The following ANTXR1 variants were observed in gnomAD, a reference collection of about 807,000 sequenced individuals.
ANTXR1 encodes anthrax toxin receptor 1.
A neutral mutation model predicts 78.1 loss-of-function variants in ANTXR1; 19 were observed. The ratio of observed to expected loss-of-function variants is 0.24; its 90% CI spans 0.17 to 0.36. The LOEUF is 0.36. Among genes scored for constraint, ANTXR1 ranks in the 10% least tolerant of loss-of-function variants. The pLI, the probability that ANTXR1 is intolerant of heterozygous loss-of-function variation, is 1.00. For synonymous variants in ANTXR1, 273 were observed against 260.5 expected, an observed-to-expected ratio of 1.05 and a Z score of -0.46; for missense variants, 518 against 718.6, an observed-to-expected ratio of 0.72 and a Z score of 3.19.
chr2:69,136,743 C>A (rs1398998619), intron 12 of ANTXR1, among the ~76,000 whole-genome samples: 1 of 151,984 alleles, frequency 6.6e-6, no homozygotes, highest in African/African-American at 2.4e-5. Context: ...ACAGAGTAAA[C>A]CCTTTCAAAA....
intron 17 of ANTXR1, among the ~76,000 whole-genome samples, chr2:69,208,711 T>G (rs543778194): frequency 6.6e-6 from 1 of 152,316 alleles, no homozygotes. Flanking sequence ...TGACATGATT[T>G]CCATACAGGC....
At chr2:69,055,902 T>C (rs547150158) in intron 3 of ANTXR1, among the ~76,000 whole-genome samples, 1 of 151,896 alleles carries the variant, frequency 6.6e-6, no homozygotes, top group South Asian at 2.1e-4. Context: ...CACCACCATG[T>C]GCATGTAATT....
rs1272825464 is a variant in ANTXR1, at chr2:69,013,608, C to A, written c.109C>A (p.Pro37Thr). 6.4e-7 allele frequency: 1 copy of A among 1,559,606 alleles called. No homozygotes were observed. Among genetic ancestry groups the A allele is most frequent in the African/African-American group, 1.3e-5 (1 of 74,114 alleles). Residue 37 changes from proline (P) to threonine (T), a missense_variant, in exon 1 of 18, where the codon CCA becomes ACA. Around this residue, in one of 5 missense-constraint regions of ANTXR1, gnomAD observed 55 missense variants for 52.5 expected, o/e 1.05. Transcript: ENST00000303714. This position sits in a 1 kb window ranked among gnomAD's most constrained non-coding sequence, Gnocchi z 5.0. Reference sequence around the variant, plus strand: ...AGGGGGACGCAGGGAGGATGGGGGTCCAGCCTGCTACGGCGGATTTGACCT... The same window carrying A: ...AGGGGGACGCAGGGAGGATGGGGGTACAGCCTGCTACGGCGGATTTGACCT... ...GQGGRREDGG[P>T]ACYGGFDLYF...
rs1309100694 is a variant in ANTXR1, at chr2:69,245,211, C to T, written c.1435-14C>T. On this transcript the variant is annotated splice_polypyrimidine_tract_variant and intron_variant, in intron 17 of 17. Transcript: ENST00000303714. ...CCGTCCGCTCACGTTTCCTTCTCTC[C>T]AATTCTTTTCTAGGGGCGCTGCATC... The T allele has an allele frequency of 1.9e-6, 3 of 1,613,926 alleles. No homozygotes were observed. Among genetic ancestry groups the T allele is most frequent in the Non-Finnish European group, 2.5e-6 (3 of 1,180,016 alleles).
intron 12 of ANTXR1, among the ~76,000 whole-genome samples, chr2:69,129,525 G>A (rs373495629): frequency 3.3e-5 from 5 of 152,158 alleles, no homozygotes; most frequent in East Asian, 3.9e-4. Flanking sequence ...AGATTGAGGC[G>A]GGCAGTTCAC....
intron 1 of ANTXR1, among the ~76,000 whole-genome samples, chr2:69,016,011 T>G (rs1671014903): frequency 1.3e-5 from 2 of 152,238 alleles, no homozygotes; most frequent in Non-Finnish European, 2.9e-5. Flanking sequence ...CAAAAACTTT[T>G]TTAAAAATTA....
chr2:69,108,275 T>C (rs769485920), intron 10 of ANTXR1, among the ~76,000 whole-genome samples: 1 of 152,082 alleles, frequency 6.6e-6, no homozygotes, highest in Non-Finnish European at 1.5e-5. Context: ...ACGTCATTGC[T>C]CTAAAATAAT....
intron 10 of ANTXR1, among the ~76,000 whole-genome samples, chr2:69,106,966 A>G (rs1020965973): frequency 4.6e-5 from 7 of 152,216 alleles, no homozygotes; most frequent in African/African-American, 7.2e-5. Flanking sequence ...TACTCATCAA[A>G]AGCAGATTTG....
At chr2:69,046,743 T>C (rs1017697655) in intron 3 of ANTXR1, among the ~76,000 whole-genome samples, 3 of 152,222 alleles carry the variant, frequency 2.0e-5, no homozygotes, top group Admixed American at 2.0e-4. Flanking sequence ...AAGCTAGTAC[T>C]GCTTCTGAAA....
intron 12 of ANTXR1, among the ~76,000 whole-genome samples, chr2:69,139,317 T>C (rs999762907): frequency 1.3e-5 from 2 of 152,214 alleles, no homozygotes; most frequent in Non-Finnish European, 2.9e-5. Context: ...TGCTCTGAGC[T>C]CAGGCACTGC....
At chr2:69,099,949 A>G (rs1232844261) in intron 9 of ANTXR1, among the ~76,000 whole-genome samples, 3 of 152,236 alleles carry the variant, frequency 2.0e-5, no homozygotes, top group Non-Finnish European at 4.4e-5. Flanking sequence ...ATTGGGAATA[A>G]CAGTGACAAA....
chr2:69,102,889 A>G lies in ANTXR1; in HGVS notation c.751A>G (p.Asn251Asp), dbSNP rs1280186022. The G allele has an allele frequency of 6.2e-7, 1 of 1,614,204 alleles. No individual in the cohort carries two copies. Among genetic ancestry groups the G allele is most frequent in the African/African-American group, 1.3e-5 (1 of 75,058 alleles). ...AGGAAACGGCTTCCGACATGCCCGC[A>G]ACGTGGACAGGGTCCTCTGCAGCTT... ...VRGNGFRHAR[N>D]VDRVLCSFKI... The change falls in exon 10 of 18, where the codon AAC becomes GAC. Residue 251 changes from asparagine (N) to aspartate (D), a missense_variant. By Grantham distance (23) the Asn-to-Asp change is conservative. Coordinates refer to ENST00000303714, the MANE Select transcript of ANTXR1 (RefSeq NM_032208.3).
chr2:69,089,170 A>C (rs1037746772), intron 8 of ANTXR1, among the ~76,000 whole-genome samples: 1 of 152,256 alleles, frequency 6.6e-6, no homozygotes, highest in Admixed American at 6.5e-5. Flanking sequence ...TACAGAGTGA[A>C]GGAAAAGTAG....
Position 69,090,848 on chromosome 2 carries a change from G to A in ANTXR1, c.643-11G>A, listed in dbSNP as rs556643370. On this transcript the variant is annotated splice_polypyrimidine_tract_variant and intron_variant, in intron 8 of 17. Transcript: ENST00000303714. ...GCTGTGCATTGACTCTTTTATTTCC[G>A]CTCCTCCTAGATTTTGAAGAAGTCC... The A allele has an allele frequency of 3.5e-5, 56 of 1,612,266 alleles. No homozygotes were observed. The highest frequency in any genetic ancestry group is 1.6e-4 in the Middle Eastern group (1 of 6,084).
intron 12 of ANTXR1, among the ~76,000 whole-genome samples, chr2:69,132,140 G>T (rs1273474840): frequency 1.3e-5 from 2 of 152,172 alleles, no homozygotes; most frequent in Non-Finnish European, 2.9e-5. Context: ...AGGGAACATT[G>T]GCATGGCCTG....
chr2:69,083,412 GCACC>G (rs1029571519), intron 8 of ANTXR1, among the ~76,000 whole-genome samples: 1 of 152,014 alleles, frequency 6.6e-6, no homozygotes, highest in Non-Finnish European at 1.5e-5. Flanking sequence ...CTGTCCAAAG[GCACC>G]CTTCAGTCTT....
chr2:69,083,013 A>G (rs1384115309), intron 8 of ANTXR1, among the ~76,000 whole-genome samples: 1 of 152,226 alleles, frequency 6.6e-6, no homozygotes, highest in Non-Finnish European at 1.5e-5. Context: ...GAACCGAGGA[A>G]TCAATCTATT....
intron 1 of ANTXR1, among the ~76,000 whole-genome samples, chr2:69,038,377 G>A (rs1435885894): frequency 6.6e-6 from 1 of 152,104 alleles, no homozygotes; most frequent in Non-Finnish European, 1.5e-5. Context: ...AGCCAAAGTG[G>A]GGTTCAAGAT....
At chr2:69,077,218 CCA>C in intron 7 of ANTXR1, 188 bp from the exon 8 acceptor site, 1 of 632,594 alleles carries the variant, frequency 1.6e-6, no homozygotes. Flanking sequence ...TTGGCCTGCT[CCA>C]GAGAGGCCAC....
Sources: gnomAD v4.1 joint callset for allele counts (sites outside exome capture counted in the v4.1 genomes callset) on GRCh38, gnomAD v4.1.1 for gene constraint, gnomAD v4.1.1 regional missense constraint, Gnocchi (gnomAD v3.1) non-coding constraint, MANE v1.5 for transcripts, NCBI Gene and HGNC (gene_info 2026-07-23, HGNC 2026-07-21) for gene names.